Variants in PHACTR3 observed in about 807,000 individuals in gnomAD.
The protein encoded by PHACTR3 is phosphatase and actin regulator 3.
A neutral mutation model predicts 66.8 loss-of-function variants in PHACTR3; 16 were observed. The observed-to-expected ratio is 0.24, with a 90% CI of 0.16 to 0.36. PHACTR3 has a LOEUF of 0.36. PHACTR3 is among the 10% of genes least tolerant of loss of function. The pLI, the probability that PHACTR3 is intolerant of heterozygous loss-of-function variation, is 1.00. For synonymous variants in PHACTR3, 323 were observed against 292.1 expected (o/e 1.11, Z -1.08); for missense variants, 647 against 719.9 (o/e 0.90, Z 1.16).
chr20:59,725,068 C>T (rs1437132044), intron 1 of PHACTR3, among the ~76,000 whole-genome samples: 1 of 151,170 alleles, frequency 6.6e-6, no homozygotes, highest in African/African-American at 2.4e-5. Context: ...GGCTGTGAAC[C>T]CAGGTGTGCT....
At chr20:59,622,778 T>C in intron 1 of PHACTR3, among the ~76,000 whole-genome samples, 1 of 151,696 alleles carries the variant, frequency 6.6e-6, no homozygotes, top group East Asian at 1.9e-4. Flanking sequence ...CCTGGGCTGC[T>C]GGGGGAGCCG....
chr20:59,610,721 G>C (rs1443102091), intron 1 of PHACTR3, among the ~76,000 whole-genome samples: 1 of 152,236 alleles, frequency 6.6e-6, no homozygotes, highest in African/African-American at 2.4e-5. Context: ...TGCTTGGATT[G>C]TAAGCTCCCT....
intron 1 of PHACTR3, among the ~76,000 whole-genome samples, chr20:59,598,270 C>A (rs1296458527): frequency 1.3e-5 from 2 of 152,370 alleles, no homozygotes; most frequent in African/African-American, 4.8e-5. Context: ...TATCAAAGGG[C>A]AGGTGGTCTC....
chr20:59,713,855 C>A (rs1454190462), intron 1 of PHACTR3, among the ~76,000 whole-genome samples: 1 of 152,026 alleles, frequency 6.6e-6, no homozygotes, highest in Non-Finnish European at 1.5e-5. Flanking sequence ...GAACCACGGT[C>A]AACTCCCACA....
intron 1 of PHACTR3, among the ~76,000 whole-genome samples, chr20:59,723,202 G>A (rs1314566616): frequency 2.7e-5 from 4 of 150,670 alleles, no homozygotes; most frequent in African/African-American, 4.9e-5. Flanking sequence ...CTACACTCAC[G>A]GGTTTGTGCA....
chr20:59,579,484 A>G (rs1195036551), intron 1 of PHACTR3, among the ~76,000 whole-genome samples: 1 of 152,222 alleles, frequency 6.6e-6, no homozygotes, highest in African/African-American at 2.4e-5. Flanking sequence ...ACTGGGGAAT[A>G]GGAGGGTCCT....
intron 5 of PHACTR3, among the ~76,000 whole-genome samples, chr20:59,770,335 A>C (rs1355980142): frequency 1.3e-5 from 2 of 152,090 alleles, no homozygotes; most frequent in African/African-American, 2.4e-5. Flanking sequence ...ACTTTGATTT[A>C]ATTTTCTCAG....
At chr20:59,592,521 A>C (rs1038243980) in intron 1 of PHACTR3, among the ~76,000 whole-genome samples, 1 of 152,206 alleles carries the variant, frequency 6.6e-6, no homozygotes, top group African/African-American at 2.4e-5. Flanking sequence ...CATTCTTTAG[A>C]CCAATTCATT....
intron 8 of PHACTR3, among the ~76,000 whole-genome samples, chr20:59,811,765 G>A (rs2041742795): frequency 2.0e-5 from 3 of 152,180 alleles, no homozygotes; most frequent in Admixed American, 6.5e-5. Context: ...AAGGGCTCTG[G>A]AACAGTGCAG....
At chr20:59,677,748 G>A (rs550089920) in intron 1 of PHACTR3, among the ~76,000 whole-genome samples, 3 of 152,320 alleles carry the variant, frequency 2.0e-5, no homozygotes, top group Admixed American at 6.5e-5. Context: ...TGTGGTTTGC[G>A]TGTTGTTCTT....
At chr20:59,816,332 G>T (rs1007814530) in intron 8 of PHACTR3, among the ~76,000 whole-genome samples, 1 of 152,180 alleles carries the variant, frequency 6.6e-6, no homozygotes, top group East Asian at 1.9e-4. Context: ...AATAGGCTAG[G>T]TTGCCCCAGA....
chr20:59,740,677 T>C (rs6027068), intron 1 of PHACTR3, among the ~76,000 whole-genome samples: 32,462 of 151,594 alleles, frequency 0.21, 7,695 homozygotes, highest in African/African-American at 0.59. Flanking sequence ...TTTTTTTTTA[T>C]CAACAGATGT....
chr20:59,595,320 G>A (rs1184200674), intron 1 of PHACTR3, among the ~76,000 whole-genome samples: 7 of 152,096 alleles, frequency 4.6e-5, no homozygotes, highest in Non-Finnish European at 7.4e-5. Context: ...AACTTAGCCC[G>A]GCATGGTGGT....
At chr20:59,840,855 A>C (rs1416665263) in intron 10 of PHACTR3, among the ~76,000 whole-genome samples, 3 of 152,210 alleles carry the variant, frequency 2.0e-5, no homozygotes, top group African/African-American at 7.2e-5. Context: ...TTAGACTCAA[A>C]GGTTTGTTCT....
intron 8 of PHACTR3, among the ~76,000 whole-genome samples, chr20:59,831,412 T>G (rs1197174732): frequency 6.6e-6 from 1 of 152,084 alleles, no homozygotes; most frequent in Non-Finnish European, 1.5e-5. Flanking sequence ...GGGTTTCTTT[T>G]CTTAGTGTTG....
chr20:59,834,775 C>T (rs34959037), intron 8 of PHACTR3, among the ~76,000 whole-genome samples: 6,486 of 152,256 alleles, frequency 0.043, 423 homozygotes, highest in African/African-American at 0.14. Flanking sequence ...ATTTCCTCCA[C>T]GGCATTGACC....
At chr20:59,759,948 C>T (rs932666478) in intron 4 of PHACTR3, among the ~76,000 whole-genome samples, 15 of 152,130 alleles carry the variant, frequency 9.9e-5, no homozygotes, top group African/African-American at 2.7e-4. Flanking sequence ...CATGGTGCCC[C>T]GTGGGTGATG....
rs548648087 is a variant in PHACTR3, at chr20:59,814,013, G to A, written c.1328+7819G>A. Among the ~76,000 whole-genome samples, 14 of 152,348 alleles carry A rather than the reference G, an allele frequency of 9.2e-5. No homozygotes were observed. In the South Asian group the frequency reaches 1.0e-3, roughly 11 times the overall value. ...GCCTCTTCAGGGTGTGCCCACTGGCGTGGCGGGGCCCTGCTCTGCTCTTCT... is the reference window on the plus strand; with the variant it reads ...GCCTCTTCAGGGTGTGCCCACTGGCATGGCGGGGCCCTGCTCTGCTCTTCT... On this transcript the variant is annotated intron_variant, in intron 8 of 12. Transcript: ENST00000371015.
intron 8 of PHACTR3, among the ~76,000 whole-genome samples, chr20:59,813,483 C>T (rs2041797670): frequency 6.6e-6 from 1 of 152,144 alleles, no homozygotes; most frequent in South Asian, 2.1e-4. Flanking sequence ...GGGGTGCTTA[C>T]CCCCCAATTA....
Sources: gnomAD v4.1 joint callset for allele counts (sites outside exome capture counted in the v4.1 genomes callset) on GRCh38, gnomAD v4.1.1 for gene constraint, MANE v1.5 for transcripts, NCBI Gene and HGNC (gene_info 2026-07-23, HGNC 2026-07-21) for gene names.